Variants in BTBD7 observed in about 807,000 individuals in gnomAD.
BTBD7 encodes BTB/POZ domain-containing protein 7.
Under a neutral mutation model 99.9 loss-of-function variants are expected in BTBD7, and 38 were observed. The observed-to-expected ratio is 0.38, with a 90% CI of 0.29 to 0.50. The LOEUF is 0.50. Among genes scored for constraint, BTBD7 ranks in the 20% least tolerant of loss-of-function variants. The pLI is 0.93. For missense variants in BTBD7, 1,170 were observed against 1,394.6 expected, an observed-to-expected ratio of 0.84 and a Z score of 2.57; for synonymous variants, 520 against 511.4, an observed-to-expected ratio of 1.02 and a Z score of -0.23.
In BTBD7 at chr14:93,274,509, A is replaced by C. The variant is rs139677644; in HGVS notation, c.1163-10516T>G. Among the ~76,000 whole-genome samples the C allele has an allele frequency of 9.9e-4, 151 of 152,320 alleles. 2 individuals are homozygous for C. The Middle Eastern group carries it at 0.01, about 10-fold the overall frequency. On this transcript the variant is annotated intron_variant, in intron 3 of 10. Transcript: ENST00000334746. ...AATGGAGGGATGGAAGGTGGTAGGTAAATGTCCCCTCTTTCTTCCCTCTGG... is the reference window on the plus strand; with the variant it reads ...AATGGAGGGATGGAAGGTGGTAGGTCAATGTCCCCTCTTTCTTCCCTCTGG...
chr14:93,325,312 G>A (rs2053317996), intron 1 of BTBD7, among the ~76,000 whole-genome samples: 1 of 151,996 alleles, frequency 6.6e-6, no homozygotes, highest in African/African-American at 2.4e-5. Context: ...GTTTCGCCAT[G>A]TTGGCCAGAC....
chr14:93,316,569 T>C (rs2139814453), intron 1 of BTBD7, among the ~76,000 whole-genome samples: 1 of 152,318 alleles, frequency 6.6e-6, no homozygotes. Flanking sequence ...TTTTAATTAT[T>C]GTTCCCTTTT....
In BTBD7 at chr14:93,248,803, A is replaced by T. The variant is rs565065156; in HGVS notation, c.1943-149T>A. 1.1e-5 allele frequency: 8 copies of T among 747,106 alleles called. No individual in the cohort carries two copies. In the East Asian group the frequency reaches 2.3e-4, roughly 21 times the overall value. The allele number at this position is 747,106 out of a possible 1,614,324, so 46.3% of individuals were successfully genotyped here. A position where few individuals can be genotyped will look rare whatever the true frequency, so the allele number is the denominator to read the frequency against. On this transcript the variant is annotated intron_variant, in intron 8 of 10. Transcript: ENST00000334746. ...TAATTTCCTGGGAACACATTCATTT[A>T]TATATCTCTAATTATTTTTCAAGGT...
intron 1 of BTBD7, among the ~76,000 whole-genome samples, chr14:93,323,089 C>T (rs1453857832): frequency 6.6e-6 from 1 of 152,084 alleles, no homozygotes; most frequent in Non-Finnish European, 1.5e-5. Context: ...GGCCACTGCA[C>T]TCCAGCCTGG....
chr14:93,246,657 A>C (rs2052315321), intron 9 of BTBD7, among the ~76,000 whole-genome samples: 1 of 152,290 alleles, frequency 6.6e-6, no homozygotes, highest in Admixed American at 6.5e-5. Flanking sequence ...AGGATGTTCT[A>C]GAAACTTTCT....
At chr14:93,288,940 C>T (rs932127791) in intron 3 of BTBD7, among the ~76,000 whole-genome samples, 5 of 152,166 alleles carry the variant, frequency 3.3e-5, no homozygotes, top group African/African-American at 9.7e-5. Context: ...CAACCCTGTG[C>T]CACATCCCTA....
intron 9 of BTBD7, 24 bp from the exon 10 acceptor site, chr14:93,246,310 A>T (rs764423213): frequency 6.7e-7 from 1 of 1,484,518 alleles, no homozygotes; most frequent in East Asian, 2.3e-5. Flanking sequence ...AAAAAAAAAA[A>T]AAAGGACATT....
At position 93,294,467 on chromosome 14, in the gene BTBD7, T is replaced by C; in HGVS notation, c.553A>G (p.Ile185Val). 1 of 1,614,174 alleles carries C rather than the reference T, an allele frequency of 6.2e-7. No homozygotes were observed. Among genetic ancestry groups the C allele is most frequent in the Non-Finnish European group, 8.5e-7 (1 of 1,180,034 alleles). Residue 185 changes from isoleucine (I) to valine (V), a missense_variant, in exon 3 of 11, where the codon ATC (isoleucine) becomes GTC (valine). Transcript: ENST00000334746. Reference sequence around the variant, plus strand: ...GGCATATCAATACCAGCTGTATTGATGTCCATTATTATCTCTGCCCCATAC... The same window carrying C: ...GGCATATCAATACCAGCTGTATTGACGTCCATTATTATCTCTGCCCCATAC... ...PEYGAEIIMD[I>V]NTAGIDMPMF...
intron 5 of BTBD7, among the ~76,000 whole-genome samples, chr14:93,259,805 G>C (rs930796304): frequency 6.6e-6 from 1 of 152,066 alleles, no homozygotes; most frequent in Non-Finnish European, 1.5e-5. Context: ...GTGGTGGCAC[G>C]TGCCTGTAAT....
At chr14:93,263,466 T>C (rs1164334393) in intron 4 of BTBD7, among the ~76,000 whole-genome samples, 1 of 152,224 alleles carries the variant, frequency 6.6e-6, no homozygotes, top group Non-Finnish European at 1.5e-5. Context: ...GAAACCACTA[T>C]AGAGAAGCTA....
rs142934677 is a variant in BTBD7, at chr14:93,332,017, G to A, written c.-107+803C>T. ...AACCAAGACTGCTTCTGTAAATTAG[G>A]CCTACTCCAGAGTACTTATTATCTG... On this transcript the variant is annotated intron_variant, in intron 1 of 10. Transcript: ENST00000334746. 2.7e-3 allele frequency among the ~76,000 whole-genome samples: 408 copies of A among 151,700 alleles called. 1 individual carries two copies. The highest frequency in any genetic ancestry group is 9.3e-3 in the African/African-American group (385 of 41,302).
chr14:93,330,967 T>C (rs182568900), intron 1 of BTBD7, among the ~76,000 whole-genome samples: 2 of 152,216 alleles, frequency 1.3e-5, no homozygotes, highest in African/African-American at 4.8e-5. Flanking sequence ...TCAGGTTTTG[T>C]GGGACAGAAT....
Position 93,251,381 on chromosome 14 carries a change from T to C in BTBD7, c.1942+82A>G, listed in dbSNP as rs951084347. Reference sequence around the variant, plus strand: ...TTGAAATGTGGAGAGAATTAGCATATACAGAGAGGCTCAAACATCAGCAAT... The same window carrying C: ...TTGAAATGTGGAGAGAATTAGCATACACAGAGAGGCTCAAACATCAGCAAT... On this transcript the variant is annotated intron_variant, in intron 8 of 10. Transcript: ENST00000334746. The C allele has an allele frequency of 1.1e-5, 16 of 1,408,594 alleles. No individual in the cohort carries two copies. The African/African-American group carries it at 1.7e-4, about 15-fold the overall frequency. The allele number at this position is 1,408,594 out of a possible 1,614,324, so 87.3% of individuals were successfully genotyped here.
chr14:93,332,678 C>A lies in BTBD7; in HGVS notation c.-107+142G>T. On this transcript the variant is annotated intron_variant, in intron 1 of 10. Transcript: ENST00000334746. ...GGACGACTGGCCCCTCCCCGCCCGGCGCCCCAGCGCCTCCCGCGGCGGCTT... is the reference window on the plus strand; with the variant it reads ...GGACGACTGGCCCCTCCCCGCCCGGAGCCCCAGCGCCTCCCGCGGCGGCTT... 4 of 1,233,062 alleles carry A rather than the reference C, an allele frequency of 3.2e-6. No individual in the cohort carries two copies. The East Asian group carries it at 9.9e-5, about 31-fold the overall frequency. The allele number at this position is 1,233,062 out of a possible 1,614,324, so 76.4% of individuals were successfully genotyped here. A position where few individuals can be genotyped will look rare whatever the true frequency, so the allele number is the denominator to read the frequency against.
rs1044529851 is a variant in BTBD7, at chr14:93,296,120, C to T, written c.-69G>A. 6.6e-7 allele frequency: 1 copy of T among 1,520,214 alleles called. No homozygotes were observed. The highest frequency in any genetic ancestry group is 8.8e-7 in the Non-Finnish European group (1 of 1,131,760). 94.2% of individuals were successfully genotyped at this position (1,520,214 alleles called of 1,614,324 possible). A position where few individuals can be genotyped will look rare whatever the true frequency, so the allele number is the denominator to read the frequency against. On this transcript the variant is annotated 5_prime_UTR_variant, in exon 2 of 11. Transcript: ENST00000334746. ...TATAATCCCAGAGGCCTTTATGAAC[C>T]TTCAACCCTGGATCCAGCAGCCTCT...
At chr14:93,270,953 TC>T (rs1157835637) in intron 3 of BTBD7, among the ~76,000 whole-genome samples, 1 of 152,240 alleles carries the variant, frequency 6.6e-6, no homozygotes, top group Non-Finnish European at 1.5e-5. Flanking sequence ...ATATTTTCTT[TC>T]TAATCTTTAA....
chr14:93,318,551 G>C (rs2053234443), intron 1 of BTBD7, among the ~76,000 whole-genome samples: 3 of 152,172 alleles, frequency 2.0e-5, no homozygotes, highest in South Asian at 4.1e-4. Flanking sequence ...AAAGGATCTA[G>C]AAGAATGAAT....
At chr14:93,307,900 A>T (rs936795272) in intron 1 of BTBD7, among the ~76,000 whole-genome samples, 3 of 152,240 alleles carry the variant, frequency 2.0e-5, no homozygotes, top group African/African-American at 7.2e-5. Context: ...ACATTTAGTA[A>T]GGAAAGGCTT....
chr14:93,266,656 C>T (rs116602716), intron 3 of BTBD7, among the ~76,000 whole-genome samples: 2,829 of 152,090 alleles, frequency 0.019, 79 homozygotes, highest in African/African-American at 0.064. Flanking sequence ...GAGGCTGGCT[C>T]GTCACATTAG....
Sources: gnomAD v4.1 joint callset for allele counts (sites outside exome capture counted in the v4.1 genomes callset) on GRCh38, gnomAD v4.1.1 for gene constraint, MANE v1.5 for transcripts, NCBI Gene and HGNC (gene_info 2026-07-23, HGNC 2026-07-21) for gene names.